Variants in RIT2 observed in about 807,000 individuals in gnomAD.
RIT2 encodes GTP-binding protein Rit2.
RIT2 carries 24 observed loss-of-function variants against 23.7 expected under a neutral mutation model. That is an observed-to-expected ratio of 1.01 (90% confidence interval 0.73 to 1.43). The LOEUF is 1.43. Among genes scored for constraint, RIT2 ranks in the 40% most tolerant of loss-of-function variants. The pLI is 0.00. For synonymous variants in RIT2, 107 were observed against 91.1 expected (o/e 1.17, Z -0.99); for missense variants, 236 against 266.9 (o/e 0.88, Z 0.81).
At chr18:42,823,974 C>G (rs1012152855) in intron 4 of RIT2, among the ~76,000 whole-genome samples, 1 of 152,050 alleles carries the variant, frequency 6.6e-6, no homozygotes, top group Non-Finnish European at 1.5e-5. Flanking sequence ...AGCATAATTC[C>G]GTTTAAGTCG....
chr18:43,033,726 T>C, intron 2 of RIT2, 85 bp downstream of exon 2: 1 of 906,918 alleles, frequency 1.1e-6, no homozygotes, highest in Non-Finnish European at 1.8e-6. Context: ...TTATATTTAT[T>C]TTCCATCAAC....
At chr18:42,870,158 G>A (rs947546775) in intron 4 of RIT2, among the ~76,000 whole-genome samples, 9 of 152,158 alleles carry the variant, frequency 5.9e-5, no homozygotes, top group Non-Finnish European at 1.3e-4. Flanking sequence ...TCAAATTAAG[G>A]AAAAATCACA....
At chr18:42,854,676 C>T (rs1372834848) in intron 4 of RIT2, among the ~76,000 whole-genome samples, 1 of 152,172 alleles carries the variant, frequency 6.6e-6, no homozygotes, top group Admixed American at 6.5e-5. Flanking sequence ...TAAAAACAAA[C>T]AGCTAAAGTA....
In RIT2 at chr18:42,781,533, C is replaced by T. The variant is rs189823981; in HGVS notation, c.427-37813G>A. On this transcript the variant is annotated intron_variant, in intron 4 of 4. Transcript: ENST00000326695. ...CCCTGGGGGCCTCAACTGCTGCTAC[C>T]CAGAAGGTCAGGATTGTGCTCCACA... Among the ~76,000 whole-genome samples the T allele has an allele frequency of 1.1e-3, 168 of 152,250 alleles. 2 individuals are homozygous for T. Among genetic ancestry groups the T allele is most frequent in the Admixed American group, 1.8e-3 (28 of 15,288 alleles).
At chr18:42,911,493 C>T (rs1400445426) in intron 4 of RIT2, among the ~76,000 whole-genome samples, 4 of 152,022 alleles carry the variant, frequency 2.6e-5, no homozygotes, top group Admixed American at 1.3e-4. Flanking sequence ...GACATCTCAA[C>T]AGATCCATGG....
intron 4 of RIT2, among the ~76,000 whole-genome samples, chr18:42,870,770 A>C (rs1413104099): frequency 1.3e-5 from 2 of 152,158 alleles, no homozygotes; most frequent in East Asian, 3.9e-4. Flanking sequence ...TGAGATGATA[A>C]GAAAAAAAAA....
intron 1 of RIT2, among the ~76,000 whole-genome samples, chr18:43,071,133 A>T (rs1912887459): frequency 6.6e-6 from 1 of 152,204 alleles, no homozygotes. Context: ...TGTTGCATCT[A>T]TAAGCAAGGG....
intron 4 of RIT2, among the ~76,000 whole-genome samples, chr18:42,787,672 G>A (rs1193139384): frequency 6.6e-6 from 1 of 151,942 alleles, no homozygotes; most frequent in Non-Finnish European, 1.5e-5. Flanking sequence ...AAATTAAATC[G>A]GCTTATAGGA....
intron 4 of RIT2, among the ~76,000 whole-genome samples, chr18:42,817,453 T>G (rs1364701785): frequency 6.6e-6 from 1 of 152,302 alleles, no homozygotes; most frequent in South Asian, 2.1e-4. Flanking sequence ...GGTTTGAAAT[T>G]ACTTCCATCA....
intron 4 of RIT2, among the ~76,000 whole-genome samples, chr18:42,864,862 C>G (rs1256031486): frequency 3.3e-5 from 5 of 152,092 alleles, no homozygotes; most frequent in African/African-American, 1.2e-4. Context: ...TGCTATAGAC[C>G]CAGCTCACCA....
chr18:42,873,901 G>C (rs1907681974), intron 4 of RIT2, among the ~76,000 whole-genome samples: 1 of 152,120 alleles, frequency 6.6e-6, no homozygotes, highest in Non-Finnish European at 1.5e-5. Flanking sequence ...ACTGAACTGG[G>C]AATCAGAGAA....
chr18:42,852,256 C>A (rs1360937211), intron 4 of RIT2, among the ~76,000 whole-genome samples: 1 of 152,166 alleles, frequency 6.6e-6, no homozygotes, highest in Non-Finnish European at 1.5e-5. Flanking sequence ...TAATCAGGTT[C>A]TTTGCTGTTG....
At chr18:42,745,598 C>G (rs892317315) in intron 4 of RIT2, among the ~76,000 whole-genome samples, 2 of 152,080 alleles carry the variant, frequency 1.3e-5, no homozygotes, top group African/African-American at 4.8e-5. Flanking sequence ...TACTGGTAAA[C>G]ATGCCAATTT....
intron 4 of RIT2, among the ~76,000 whole-genome samples, chr18:42,882,141 A>T (rs1907911503): frequency 6.6e-6 from 1 of 152,162 alleles, no homozygotes; most frequent in African/African-American, 2.4e-5. Context: ...TCAAGTTTAT[A>T]GCTGGGTACT....
intron 4 of RIT2, among the ~76,000 whole-genome samples, chr18:42,833,627 A>C (rs914957127): frequency 6.6e-6 from 1 of 152,192 alleles, no homozygotes. Context: ...AAGTAACTTC[A>C]AAGTTACAGA....
At chr18:43,110,818 T>G (rs184614072) in intron 1 of RIT2, among the ~76,000 whole-genome samples, 3 of 152,308 alleles carry the variant, frequency 2.0e-5, no homozygotes, top group East Asian at 1.9e-4. Flanking sequence ...TCTTAAGTAG[T>G]TTTCTCGTCA....
intron 4 of RIT2, among the ~76,000 whole-genome samples, chr18:42,765,141 T>G (rs1353362072): frequency 6.6e-6 from 1 of 152,214 alleles, no homozygotes; most frequent in Non-Finnish European, 1.5e-5. Context: ...GGTGAATGTT[T>G]TGCAATTATA....
intron 4 of RIT2, among the ~76,000 whole-genome samples, chr18:42,881,343 A>T (rs548356846): frequency 3.3e-5 from 5 of 152,332 alleles, no homozygotes; most frequent in African/African-American, 9.6e-5. Context: ...GTCTTCTCTT[A>T]TACTAATAGA....
intron 4 of RIT2, among the ~76,000 whole-genome samples, chr18:42,749,583 T>C (rs1001480317): frequency 6.6e-6 from 1 of 151,616 alleles, no homozygotes; most frequent in Non-Finnish European, 1.5e-5. Flanking sequence ...AGATTAAGGG[T>C]GATGAAGAAA....
Sources: gnomAD v4.1 joint callset for allele counts (sites outside exome capture counted in the v4.1 genomes callset) on GRCh38, gnomAD v4.1.1 for gene constraint, MANE v1.5 for transcripts, NCBI Gene and HGNC (gene_info 2026-07-23, HGNC 2026-07-21) for gene names.